The following RASA1 variants were observed in gnomAD, a reference collection of about 807,000 sequenced individuals.
The protein encoded by RASA1 is ras GTPase-activating protein 1.
In RASA1, 25 loss-of-function variants were observed where a neutral mutation model predicts 132.2. The observed-to-expected ratio is 0.19, with a 90% CI of 0.14 to 0.26. The LOEUF (loss-of-function observed/expected upper bound fraction) is 0.26, where lower values mean the gene tolerates loss of function less well. Ranked by LOEUF, RASA1 falls within the 10% of genes least tolerant of loss-of-function variation. The pLI is 1.00. For missense variants in RASA1, 964 were observed against 1,299.2 expected, an observed-to-expected ratio of 0.74 and a Z score of 3.97; for synonymous variants, 477 against 449.9, an observed-to-expected ratio of 1.06 and a Z score of -0.76.
chr5:87,333,089 A>T (rs921775798), intron 3 of RASA1, among the ~76,000 whole-genome samples, 178 bp from the exon 4 acceptor site: 1 of 152,148 alleles, frequency 6.6e-6, no homozygotes, highest in Non-Finnish European at 1.5e-5. Context: ...TCATAAAAAC[A>T]GGAACAACAA....
intron 11 of RASA1, among the ~76,000 whole-genome samples, chr5:87,363,881 T>C (rs1026288907): frequency 6.6e-6 from 1 of 152,112 alleles, no homozygotes; most frequent in Admixed American, 6.5e-5. Flanking sequence ...AGCAAGTTCT[T>C]AAGAAAGTTA....
chr5:87,387,021 C>A, intron 23 of RASA1, 118 bp downstream of exon 23: 1 of 981,958 alleles, frequency 1.0e-6, no homozygotes, highest in Non-Finnish European at 1.5e-6. Flanking sequence ...AGACAAAAAG[C>A]CTGCAAATTT....
intron 1 of RASA1, among the ~76,000 whole-genome samples, chr5:87,313,868 T>C (rs1756111561): frequency 6.6e-6 from 1 of 151,952 alleles, no homozygotes; most frequent in South Asian, 2.1e-4. Flanking sequence ...ATCAAAGAGG[T>C]CTGAAAATGC....
intron 1 of RASA1, among the ~76,000 whole-genome samples, chr5:87,273,518 GTATAT>G (rs959510708): frequency 6.6e-6 from 1 of 151,876 alleles, no homozygotes; most frequent in Admixed American, 6.6e-5. Context: ...GGTGGTAAAG[GTATAT>G]TGTTTGTGTA....
chr5:87,346,707 A>G lies in RASA1; in HGVS notation c.1085A>G (p.Tyr362Cys). 1 of 1,552,148 alleles carries G rather than the reference A, an allele frequency of 6.4e-7. No homozygotes were observed. Among genetic ancestry groups the G allele is most frequent in the South Asian group, 1.1e-5 (1 of 89,308 alleles). ...FHGKISKQEAYNLLMTVGQVC... is the reference protein window; with the variant it reads ...FHGKISKQEACNLLMTVGQVC... ...GGGAAGATTTCCAAACAGGAAGCTT[A>G]TAATTTACTAATGACAGGTACTTAC... Residue 362 changes from tyrosine (Y) to cysteine (C), a missense_variant, in exon 7 of 25, where the codon TAT becomes TGT. Tyr to Cys is a radical substitution (Grantham distance 194). Transcript: ENST00000274376.
chr5:87,387,390 C>T lies in RASA1; in HGVS notation c.2925+487C>T, dbSNP rs183091228. Among the ~76,000 whole-genome samples, 5 of 152,098 alleles carry T rather than the reference C, an allele frequency of 3.3e-5. No homozygotes were observed. The East Asian group carries it at 9.7e-4, about 29-fold the overall frequency. ...GTGAATATCTGTGCCTCATTTGGGC[C>T]TTGTTAATAAAATAAATTGTGATTA... is the stretch of plus-strand genomic sequence containing the variant. On this transcript the variant is annotated intron_variant, in intron 23 of 24. Transcript: ENST00000274376.
intron 6 of RASA1, among the ~76,000 whole-genome samples, chr5:87,345,462 G>T (rs1270523737): frequency 6.6e-6 from 1 of 152,036 alleles, no homozygotes; most frequent in Non-Finnish European, 1.5e-5. Flanking sequence ...AGCATTTGTA[G>T]TAAGTGGTCA....
chr5:87,383,809 T>A, intron 21 of RASA1, 29 bp downstream of exon 21: 1 of 1,565,592 alleles, frequency 6.4e-7, no homozygotes, highest in East Asian at 2.2e-5. Context: ...ATTTTGAAAT[T>A]CAAAATATTA....
chr5:87,338,106 T>C lies in RASA1; in HGVS notation c.1017+15T>C. The C allele has an allele frequency of 1.2e-6, 2 of 1,611,682 alleles. No individual in the cohort carries two copies. Among genetic ancestry groups the C allele is most frequent in the Non-Finnish European group, 1.7e-6 (2 of 1,178,752 alleles). On this transcript the variant is annotated intron_variant, in intron 5 of 24. Coordinates refer to ENST00000274376, the MANE Select transcript of RASA1 (RefSeq NM_002890.3). ...TAGAAGAGGTGGTAAGTTTTGTTCT[T>C]TTCTTCTCAATTCTAGATTCTAAAT...
chr5:87,315,896 A>T (rs1351763715), intron 1 of RASA1, among the ~76,000 whole-genome samples: 1 of 152,190 alleles, frequency 6.6e-6, no homozygotes, highest in Non-Finnish European at 1.5e-5. Context: ...ATATAGGCTG[A>T]TTCTTTTTTC....
intron 1 of RASA1, among the ~76,000 whole-genome samples, chr5:87,291,667 G>C (rs989803985): frequency 5.3e-5 from 8 of 152,140 alleles, no homozygotes; most frequent in Admixed American, 4.6e-4. Context: ...TTGTTTTCAC[G>C]AGGTCTGGTT....
At chr5:87,385,252 G>A (rs1580407436) in intron 21 of RASA1, 49 bp from the exon 22 acceptor site, 1 of 1,146,490 alleles carries the variant, frequency 8.7e-7, no homozygotes, top group East Asian at 2.3e-5. Flanking sequence ...GGTTTAGCTG[G>A]AAGTGCTGTT....
intron 1 of RASA1, among the ~76,000 whole-genome samples, chr5:87,302,715 C>T (rs1287369832): frequency 6.6e-6 from 1 of 150,376 alleles, no homozygotes; most frequent in African/African-American, 2.4e-5. Context: ...AGAATATTAT[C>T]AGCATCCTAG....
intron 11 of RASA1, among the ~76,000 whole-genome samples, chr5:87,364,942 G>A (rs1252484241): frequency 6.6e-6 from 1 of 152,170 alleles, no homozygotes; most frequent in Non-Finnish European, 1.5e-5. Context: ...CACCCAAATA[G>A]TGAGGCTGCT....
chr5:87,367,856 GGTAAT>G (rs1760638966), intron 11 of RASA1, among the ~76,000 whole-genome samples: 1 of 151,970 alleles, frequency 6.6e-6, no homozygotes. Context: ...CTGTTTTAGA[GGTAAT>G]GTATCTTTGT....
intron 1 of RASA1, among the ~76,000 whole-genome samples, chr5:87,308,644 A>G (rs561820281): frequency 6.6e-6 from 1 of 152,226 alleles, no homozygotes; most frequent in Non-Finnish European, 1.5e-5. Context: ...TTTGTATAAC[A>G]CATAAGTATA....
intron 9 of RASA1, among the ~76,000 whole-genome samples, chr5:87,360,939 TTCAA>T (rs1411283843): frequency 3.3e-5 from 5 of 152,220 alleles, no homozygotes; most frequent in Non-Finnish European, 5.9e-5. Context: ...TTTAAGTATG[TTCAA>T]TCAAAGCTAA....
At chr5:87,314,292 AGTT>A (rs1464221629) in intron 1 of RASA1, among the ~76,000 whole-genome samples, 2 of 152,278 alleles carry the variant, frequency 1.3e-5, no homozygotes, top group Non-Finnish European at 2.9e-5. Context: ...ATGCTGTACC[AGTT>A]GTTTAGATTT....
At chr5:87,269,061 T>C in intron 1 of RASA1, 71 bp downstream of exon 1, 1 of 1,614,068 alleles carries the variant, frequency 6.2e-7, no homozygotes. Flanking sequence ...AAGGGGTAAA[T>C]CATACTTTGT....
Sources: allele counts gnomAD v4.1 joint callset (sites outside exome capture counted in the v4.1 genomes callset), GRCh38; gene constraint gnomAD v4.1.1; transcripts MANE v1.5; gene names NCBI Gene and HGNC (gene_info 2026-07-23, HGNC 2026-07-21).